Variants in FOXO1 observed in about 807,000 individuals in gnomAD.
FOXO1 encodes the protein forkhead box O1, also known as forkhead box protein O1.
In FOXO1, 6 loss-of-function variants were observed where a neutral mutation model predicts 44.1. The ratio of observed to expected loss-of-function variants is 0.14; its 90% CI spans 0.07 to 0.27. The LOEUF is 0.27. Among genes scored for constraint, FOXO1 ranks in the 10% least tolerant of loss-of-function variants. The pLI is 1.00. For missense variants in FOXO1, 737 were observed against 888.8 expected (o/e 0.83, Z 2.17); for synonymous variants, 380 against 362.7 (o/e 1.05, Z -0.54).
chr13:40,565,601 A>G (rs531940057), intron 1 of FOXO1, among the ~76,000 whole-genome samples: 1 of 152,258 alleles, frequency 6.6e-6, no homozygotes, highest in South Asian at 2.1e-4. Context: ...GAGCACAGGG[A>G]CCTTTGTCTG....
At chr13:40,659,250 G>A (rs1220680516) in intron 1 of FOXO1, among the ~76,000 whole-genome samples, 2 of 148,932 alleles carry the variant, frequency 1.3e-5, no homozygotes, top group Non-Finnish European at 3.0e-5. Flanking sequence ...GGGAGGCAGA[G>A]GTTGCAGGGG....
rs1221703625 is a variant in FOXO1 at position 40,666,097 on chromosome 13, G to A, written c.116C>T (p.Thr39Ile). ...GCTGCCCGACGGCGCCGGGCTGGAGGTGGCCGAGTTGGACTGGCTAAACTC... is the reference window on the plus strand; with the variant it reads ...GCTGCCCGACGGCGCCGGGCTGGAGATGGCCGAGTTGGACTGGCTAAACTC... Reference protein sequence around the residue: ...RPEFSQSNSATSSPAPSGSAA... With the variant: ...RPEFSQSNSAISSPAPSGSAA... Residue 39 changes from threonine (T) to isoleucine (I), a missense_variant, in exon 1 of 3, where the codon ACC becomes ATC. Thr to Ile is a moderately conservative substitution (Grantham distance 89, BLOSUM62 -1). Transcript: ENST00000379561. 3.6e-6 allele frequency: 5 copies of A among 1,393,598 alleles called. No homozygotes were observed. Among genetic ancestry groups the A allele is most frequent in the East Asian group, 3.1e-5 (1 of 32,502 alleles). 86.3% of individuals were successfully genotyped at this position (1,393,598 alleles called of 1,614,324 possible).
At chr13:40,620,316 A>G in intron 1 of FOXO1, 1 of 893,374 alleles carries the variant, frequency 1.1e-6, no homozygotes, top group Non-Finnish European at 1.9e-6. Flanking sequence ...AACAGAACAT[A>G]CAGTCACTAT....
intron 1 of FOXO1, among the ~76,000 whole-genome samples, chr13:40,570,401 G>A (rs925388177): frequency 7.9e-5 from 12 of 152,062 alleles, no homozygotes; most frequent in East Asian, 1.9e-4. Context: ...AAAGAGGTGC[G>A]TTACAAGTAA....
At chr13:40,591,392 T>G (rs1360509902) in intron 1 of FOXO1, among the ~76,000 whole-genome samples, 1 of 152,074 alleles carries the variant, frequency 6.6e-6, no homozygotes, top group Non-Finnish European at 1.5e-5. Context: ...AGAAGGATCA[T>G]CAGCAGTGCA....
intron 1 of FOXO1, among the ~76,000 whole-genome samples, chr13:40,589,721 C>T (rs1362655928): frequency 6.6e-6 from 1 of 152,206 alleles, no homozygotes; most frequent in Non-Finnish European, 1.5e-5. Flanking sequence ...CAGTAACTTT[C>T]TGGAAGTTAA....
In FOXO1 at chr13:40,559,949, GTT is replaced by G; in HGVS notation, c.1540_1541del (p.Asn514GlnfsTer21). ...MSTYGSQASH[N>X]KMMNPSSHTH... ...TATGGGAGCTGGGATTCATCATTTT[GTT>G]ATGAGATGCCTGGCTGCCATAGGTT... On this transcript the variant is annotated frameshift_variant, in exon 2 of 3. Transcript: ENST00000379561. LOFTEE classifies it high-confidence loss of function. The G allele has an allele frequency of 6.2e-7, 1 of 1,614,178 alleles. No homozygotes were observed.
chr13:40,608,074 G>A (rs1054168587), intron 1 of FOXO1, among the ~76,000 whole-genome samples: 1 of 152,190 alleles, frequency 6.6e-6, no homozygotes, highest in East Asian at 1.9e-4. Context: ...TCTTGGGGCA[G>A]AGGAAATGAC....
At chr13:40,641,153 A>C (rs1877337804) in intron 1 of FOXO1, among the ~76,000 whole-genome samples, 1 of 152,124 alleles carries the variant, frequency 6.6e-6, no homozygotes, top group Non-Finnish European at 1.5e-5. Flanking sequence ...CCGTAAAAGG[A>C]GGTTCTTTTC....
intron 1 of FOXO1, among the ~76,000 whole-genome samples, chr13:40,639,781 C>G (rs147714022): frequency 1.3e-5 from 2 of 152,336 alleles, no homozygotes; most frequent in East Asian, 3.9e-4. Flanking sequence ...GAACCACTAG[C>G]CCAGTCTTTA....
chr13:40,646,948 A>G (rs1239890100), intron 1 of FOXO1, among the ~76,000 whole-genome samples: 1 of 152,180 alleles, frequency 6.6e-6, no homozygotes, highest in Non-Finnish European at 1.5e-5. Context: ...ACTACCCCAA[A>G]ATATGACTGT....
At chr13:40,623,568 T>C (rs1444932514) in intron 1 of FOXO1, among the ~76,000 whole-genome samples, 1 of 152,156 alleles carries the variant, frequency 6.6e-6, no homozygotes, top group Non-Finnish European at 1.5e-5. Flanking sequence ...CACAGAAATG[T>C]TTGCTGACTG....
intron 1 of FOXO1, among the ~76,000 whole-genome samples, chr13:40,567,951 G>C (rs1284454255): frequency 6.6e-6 from 1 of 151,536 alleles, no homozygotes; most frequent in East Asian, 2.0e-4. Context: ...CTGGGCAACA[G>C]AGCAAGACTC....
chr13:40,560,096 C>A lies in FOXO1; in HGVS notation c.1395G>T (p.Leu465Phe). The part of the protein sequence containing the change: ...YNCAPGLLKE[L>F]LTSDSPPHND... ...TATGGGGAGGAGAGTCAGAAGTCAG[C>A]AACTCCTTCAAGAGTCCAGGCGCAC... Residue 465 changes from leucine (L) to phenylalanine (F), a missense_variant, in exon 2 of 3, where the codon TTG (leucine) becomes TTT (phenylalanine). This residue lies in a region of FOXO1 where 283 missense variants were observed against 278.1 expected (regional missense o/e 1.02). Coordinates refer to ENST00000379561, the MANE Select transcript of FOXO1 (RefSeq NM_002015.4). The surrounding 1 kb of genome is among the most constrained non-coding windows in gnomAD (Gnocchi z 5.1). 1 of 1,614,138 alleles carries A rather than the reference C, an allele frequency of 6.2e-7. No homozygotes were observed. The highest frequency in any genetic ancestry group is 8.5e-7 in the Non-Finnish European group (1 of 1,180,034).
chr13:40,559,773 C>G lies in FOXO1; in HGVS notation c.1718G>C (p.Ser573Thr). The stretch of plus-strand genomic sequence containing the variant: ...CACGGAGGAGTAGCCCCCCAGGGCA[C>G]TCATCTGCATGGGGTGGGGCAGAGG... ...QVPLPHPMQM[S>T]ALGGYSSVSS... The change falls in exon 2 of 3, where the codon AGT becomes ACT. Residue 573 changes from serine to threonine, a missense_variant. By Grantham distance (58) the Ser-to-Thr change is moderately conservative. Around this residue, in one of 7 missense-constraint regions of FOXO1, gnomAD observed 283 missense variants for 278.1 expected, o/e 1.02. Coordinates refer to ENST00000379561, the MANE Select transcript of FOXO1 (RefSeq NM_002015.4). The G allele has an allele frequency of 6.2e-7, 1 of 1,613,326 alleles. No individual in the cohort carries two copies. The highest frequency in any genetic ancestry group is 2.2e-5 in the East Asian group (1 of 44,870).
chr13:40,665,493 C>G, intron 1 of FOXO1, 90 bp downstream of exon 1: 1 of 1,137,804 alleles, frequency 8.8e-7, no homozygotes, highest in Non-Finnish European at 1.1e-6. Flanking sequence ...CCTCCTGCTC[C>G]GCACCTTCAG....
intron 1 of FOXO1, among the ~76,000 whole-genome samples, chr13:40,620,823 G>A (rs1284710893): frequency 1.2e-5 from 1 of 83,806 alleles, no homozygotes; most frequent in Non-Finnish European, 2.4e-5. Flanking sequence ...TTTTGAGATG[G>A]AGTCTCACTC....
chr13:40,625,757 T>C (rs1876767529), intron 1 of FOXO1, among the ~76,000 whole-genome samples: 1 of 152,144 alleles, frequency 6.6e-6, no homozygotes, highest in South Asian at 2.1e-4. Flanking sequence ...ATATTTTAGG[T>C]ATAAGTCAGA....
intron 1 of FOXO1, among the ~76,000 whole-genome samples, chr13:40,571,877 A>G (rs563042471): frequency 1.3e-5 from 2 of 152,386 alleles, no homozygotes; most frequent in East Asian, 3.9e-4. Context: ...CAACAAAGTT[A>G]AAACCAAAAA....
Sources: gnomAD v4.1 joint callset for allele counts (sites outside exome capture counted in the v4.1 genomes callset) on GRCh38, gnomAD v4.1.1 for gene constraint, gnomAD v4.1.1 regional missense constraint, Gnocchi (gnomAD v3.1) non-coding constraint, MANE v1.5 for transcripts, NCBI Gene and HGNC (gene_info 2026-07-23, HGNC 2026-07-21) for gene names.